CDKL1: variants seen among roughly 807,000 people sequenced by gnomAD.
CDKL1 encodes cyclin-dependent kinase-like 1.
CDKL1 carries 41 observed loss-of-function variants against 42.0 expected under a neutral mutation model. The observed-to-expected ratio is 0.98, with a 90% CI of 0.76 to 1.27. The LOEUF (loss-of-function observed/expected upper bound fraction) is 1.27, where lower values mean the gene tolerates loss of function less well. Ranked by LOEUF, CDKL1 falls within the 50% of genes most tolerant of loss-of-function variation. The probability of loss-of-function intolerance (pLI) is 0.00; values close to 1 mark genes in which losing one functional copy is unlikely to be tolerated. For missense variants in CDKL1, 394 were observed against 428.4 expected (o/e 0.92, Z 0.71); for synonymous variants, 153 against 158.6 (o/e 0.96, Z 0.26).
rs2032728354 is a variant in CDKL1 at position 50,326,960 on chromosome 14, G to C, written c.*3114C>G. 1 of 158,568 alleles carries C rather than the reference G, an allele frequency of 6.3e-6. No homozygotes were observed. The highest frequency in any genetic ancestry group is 6.5e-5 in the Admixed American group (1 of 15,270). 9.8% of individuals were successfully genotyped at this position (158,568 alleles called of 1,614,324 possible). A position where few individuals can be genotyped will look rare whatever the true frequency, so the allele number is the denominator to read the frequency against. ...GGAGGTTGAGGTGGTAGGATTGCTT[G>C]AGCTCAGGAGTTTGAGGCTGCAGTA... On this transcript the variant is annotated 3_prime_UTR_variant, in exon 10 of 10. Transcript: ENST00000395834.
intron 2 of CDKL1, among the ~76,000 whole-genome samples, chr14:50,366,912 A>G (rs1025878543): frequency 6.6e-6 from 1 of 152,172 alleles, no homozygotes; most frequent in Admixed American, 6.5e-5. Flanking sequence ...GTCTCATTGA[A>G]TTGGTGGGGA....
rs550955881 is a variant in CDKL1 at position 50,386,281 on chromosome 14, A to T, written c.168+9420T>A. 2.0e-5 allele frequency among the ~76,000 whole-genome samples: 3 copies of T among 151,854 alleles called. No homozygotes were observed. In the East Asian group the frequency reaches 5.9e-4, roughly 30 times the overall value. On this transcript the variant is annotated intron_variant, in intron 2 of 9. Coordinates refer to ENST00000395834, the MANE Select transcript of CDKL1 (RefSeq NM_004196.7). ...ATCCTATCTCTACAAAAAATAAATA[A>T]ATTAGTCAGGCACTATGGCTCACAC...
intron 8 of CDKL1, chr14:50,333,065 G>A (rs1279168090): frequency 6.1e-6 from 1 of 162,624 alleles, no homozygotes; most frequent in Non-Finnish European, 1.3e-5. Context: ...GCTCATTCTT[G>A]GATAGATTAG....
rs1822204642 is a variant in CDKL1 at position 50,359,077 on chromosome 14, C to T, written c.241G>A (p.Glu81Lys). The T allele has an allele frequency of 1.2e-6, 2 of 1,613,122 alleles. No homozygotes were observed. Among genetic ancestry groups the T allele is most frequent in the Non-Finnish European group, 1.7e-6 (2 of 1,179,150 alleles). ...RRKRRLHLVF[E>K]YCDHTVLHEL... ...TGGAGAACTGTGTGGTCACAATATT[C>T]AAACACCAGGTGAAGCCTCCGTTTC... is the stretch of plus-strand genomic sequence containing the variant. The change falls in exon 3 of 10, where the codon GAA becomes AAA. Residue 81 changes from glutamate to lysine, a missense_variant. Glu to Lys is a moderately conservative substitution (Grantham distance 56). Coordinates refer to ENST00000395834, the MANE Select transcript of CDKL1 (RefSeq NM_004196.7).
chr14:50,375,286 A>G (rs2034698650), intron 2 of CDKL1, among the ~76,000 whole-genome samples: 1 of 152,226 alleles, frequency 6.6e-6, no homozygotes. Context: ...TAAATAAATG[A>G]TTGACTGGAT....
intron 3 of CDKL1, among the ~76,000 whole-genome samples, chr14:50,347,056 T>C (rs896745860): frequency 6.6e-6 from 1 of 152,230 alleles, no homozygotes; most frequent in African/African-American, 2.4e-5. Context: ...TAAATTATAG[T>C]TGCATATCAT....
At chr14:50,396,439 A>AT (rs2035409397) in intron 1 of CDKL1, 110 bp from the exon 2 acceptor site, 4 of 985,428 alleles carry the variant, frequency 4.1e-6, no homozygotes, top group Non-Finnish European at 4.8e-6. Flanking sequence ...ACCCGATTTT[A>AT]ATCGCCCGTT....
intron 2 of CDKL1, among the ~76,000 whole-genome samples, chr14:50,370,569 A>C (rs1340710397): frequency 6.6e-6 from 1 of 152,168 alleles, no homozygotes; most frequent in Non-Finnish European, 1.5e-5. Flanking sequence ...GGCTGTTCTC[A>C]CATTGCTATA....
chr14:50,390,698 C>G (rs2035231759), intron 2 of CDKL1, among the ~76,000 whole-genome samples: 1 of 152,236 alleles, frequency 6.6e-6, no homozygotes, highest in Admixed American at 6.5e-5. Flanking sequence ...TAGCCCTTTC[C>G]TTGCCCCTTG....
intron 3 of CDKL1, among the ~76,000 whole-genome samples, chr14:50,345,514 G>A (rs780612377): frequency 3.9e-5 from 6 of 152,188 alleles, no homozygotes; most frequent in Admixed American, 6.5e-5. Context: ...CCATGTGTGG[G>A]CATGTGGTCT....
intron 2 of CDKL1, among the ~76,000 whole-genome samples, chr14:50,365,773 A>G (rs1595337673): frequency 6.6e-6 from 1 of 152,348 alleles, no homozygotes; most frequent in East Asian, 1.9e-4. Context: ...CCCACCCTCA[A>G]TCTGGACGGG....
chr14:50,349,791 CGTT>C (rs1009926670), intron 3 of CDKL1, among the ~76,000 whole-genome samples: 4 of 151,846 alleles, frequency 2.6e-5, no homozygotes, highest in Non-Finnish European at 5.9e-5. Flanking sequence ...TTTTTTGAGA[CGTT>C]GTCTCCCTCT....
intron 8 of CDKL1, chr14:50,332,721 T>C (rs1370414995): frequency 6.6e-7 from 1 of 1,522,742 alleles, no homozygotes; most frequent in Non-Finnish European, 8.8e-7. Flanking sequence ...ATTTTAGAGT[T>C]TACCTCAGTG....
At position 50,387,147 on chromosome 14, in the gene CDKL1, C is replaced by T. The variant is rs562553223; in HGVS notation, c.168+8554G>A. On this transcript the variant is annotated intron_variant, in intron 2 of 9. Transcript: ENST00000395834. Reference sequence around the variant, plus strand: ...ACCTGAGCCCTGGAGATTGAGGCTGCGGTGAGCCATCATTGCCCCACTGCA... The same window carrying T: ...ACCTGAGCCCTGGAGATTGAGGCTGTGGTGAGCCATCATTGCCCCACTGCA... 1.5e-4 allele frequency among the ~76,000 whole-genome samples: 20 copies of T among 133,266 alleles called. No homozygotes were observed. The South Asian group carries it at 1.8e-3, about 12-fold the overall frequency. 87.4% of individuals were successfully genotyped at this position (133,266 alleles called of 152,430 possible).
intron 2 of CDKL1, among the ~76,000 whole-genome samples, chr14:50,384,081 G>A (rs1469393657): frequency 6.6e-6 from 1 of 152,204 alleles, no homozygotes; most frequent in Non-Finnish European, 1.5e-5. Context: ...GAGAGATAAT[G>A]ATAAGAGGAT....
chr14:50,379,985 A>G (rs1595362392), intron 2 of CDKL1: 1 of 395,498 alleles, frequency 2.5e-6, no homozygotes, highest in East Asian at 7.2e-5. Context: ...CCATGGCCTC[A>G]GGTTAGAGCA....
intron 2 of CDKL1, among the ~76,000 whole-genome samples, chr14:50,364,396 G>A (rs1335093627): frequency 1.3e-5 from 2 of 152,186 alleles, no homozygotes; most frequent in Non-Finnish European, 2.9e-5. Context: ...TTGAACCCAG[G>A]AGGCAGAGGT....
intron 2 of CDKL1, chr14:50,362,204 C>A (rs770498742): frequency 8.4e-5 from 24 of 284,080 alleles, no homozygotes; most frequent in South Asian, 6.3e-4. Flanking sequence ...CCTGCGCGGC[C>A]GAGCCTCCAC....
At chr14:50,358,633 A>ATTTTTTTTTTTT in intron 3 of CDKL1, among the ~76,000 whole-genome samples, 1 of 53,806 alleles carries the variant, frequency 1.9e-5, no homozygotes, top group Non-Finnish European at 3.8e-5. Context: ...GTTTTTAACT[A>ATTTTTTTTTTTT]GTCTTTTTTT....
Sources: gnomAD v4.1 joint callset for allele counts (sites outside exome capture counted in the v4.1 genomes callset) on GRCh38, gnomAD v4.1.1 for gene constraint, MANE v1.5 for transcripts, NCBI Gene and HGNC (gene_info 2026-07-23, HGNC 2026-07-21) for gene names.